Variants in ZNF713 observed in about 807,000 individuals in gnomAD.
ZNF713 encodes the protein zinc finger protein 713.
ZNF713 carries 21 observed loss-of-function variants against 28.7 expected under a neutral mutation model. The ratio of observed to expected loss-of-function variants is 0.73; its 90% CI spans 0.52 to 1.05. The LOEUF is 1.05. Among genes scored for constraint, ZNF713 ranks in the 50% least tolerant of loss-of-function variants. The pLI is 0.00. For synonymous variants in ZNF713, 167 were observed against 178.0 expected, an observed-to-expected ratio of 0.94 and a Z score of 0.49; for missense variants, 458 against 532.4, an observed-to-expected ratio of 0.86 and a Z score of 1.37.
chr7:55,928,725 A>G (rs1289894681), intron 6 of ZNF713, among the ~76,000 whole-genome samples: 5 of 152,264 alleles, frequency 3.3e-5, no homozygotes, highest in African/African-American at 1.2e-4. Context: ...GAGATATGCA[A>G]TACCTTCATA....
At chr7:55,934,505 G>A (rs1786304532) in intron 6 of ZNF713, among the ~76,000 whole-genome samples, 1 of 152,114 alleles carries the variant, frequency 6.6e-6, no homozygotes, top group South Asian at 2.1e-4. Context: ...ATTTCACACT[G>A]TTAGGTGCAT....
At chr7:55,934,941 T>G (rs1443478748) in intron 6 of ZNF713, among the ~76,000 whole-genome samples, 1 of 147,144 alleles carries the variant, frequency 6.8e-6, no homozygotes, top group Non-Finnish European at 1.5e-5. Context: ...TAGACTGGAG[T>G]GCAGTGGCAC....
chr7:55,894,700 T>A (rs1785443141), intron 1 of ZNF713, among the ~76,000 whole-genome samples: 1 of 152,218 alleles, frequency 6.6e-6, no homozygotes, highest in Admixed American at 6.6e-5. Context: ...CAGTGTTTGC[T>A]GTTGTCTATA....
intron 4 of ZNF713, chr7:55,918,147 A>C (rs369413197): frequency 4.4e-6 from 2 of 456,440 alleles, no homozygotes; most frequent in African/African-American, 4.0e-5. Flanking sequence ...TAAGACTTCT[A>C]CCTCATTCTG....
At chr7:55,891,247 T>C (rs1278435653) in intron 1 of ZNF713, among the ~76,000 whole-genome samples, 2 of 152,160 alleles carry the variant, frequency 1.3e-5, no homozygotes, top group Non-Finnish European at 2.9e-5. Context: ...TCTAAATACC[T>C]TTCCAAAGTC....
At chr7:55,888,184 A>G (rs1227139743) in intron 1 of ZNF713, among the ~76,000 whole-genome samples, 1 of 152,130 alleles carries the variant, frequency 6.6e-6, no homozygotes, top group Non-Finnish European at 1.5e-5. Context: ...TAATACGTTT[A>G]AAGAATTTTT....
At chr7:55,927,989 C>T (rs746029809) in intron 6 of ZNF713, among the ~76,000 whole-genome samples, 15 of 145,646 alleles carry the variant, frequency 1.0e-4, no homozygotes, top group Middle Eastern at 3.5e-3. Flanking sequence ...ATTAGGGTGA[C>T]TGTATATGTC....
chr7:55,899,645 C>T (rs994123222), intron 1 of ZNF713, among the ~76,000 whole-genome samples: 2 of 151,924 alleles, frequency 1.3e-5, no homozygotes, highest in African/African-American at 4.8e-5. Context: ...GCACTCCAGC[C>T]TGGGCAACAG....
At chr7:55,887,854 CG>C (rs1206775903) in intron 1 of ZNF713, among the ~76,000 whole-genome samples, 174 bp downstream of exon 1, 309 of 5,892 alleles carry the variant, frequency 0.052, 88 homozygotes, top group African/African-American at 0.2. Context: ...GCGGCGGCGG[CG>C]GGCGGCGGGC....
At chr7:55,906,525 G>A (rs1785682623) in intron 2 of ZNF713, 146 bp downstream of exon 2, 1 of 152,188 alleles carries the variant, frequency 6.6e-6, no homozygotes, top group South Asian at 2.1e-4. Context: ...GATATCTGCA[G>A]AGAACTGCCT....
chr7:55,919,497 T>TTGTTTTTTTTTTG (rs1361905073), intron 4 of ZNF713, among the ~76,000 whole-genome samples: 1 of 44,964 alleles, frequency 2.2e-5, no homozygotes, highest in Admixed American at 2.5e-4. Context: ...CCAGTTTTTT[T>TTGTTTTTTTTTTG]TTTTTTTTTT....
At chr7:55,923,396 G>A (rs778421407) in intron 5 of ZNF713, 108 bp downstream of exon 5, 1 of 1,429,590 alleles carries the variant, frequency 7.0e-7, no homozygotes, top group Non-Finnish European at 9.5e-7. Context: ...TGGGATAGAA[G>A]AATGCTAATC....
At chr7:55,901,949 T>C (rs1785585699) in intron 1 of ZNF713, among the ~76,000 whole-genome samples, 1 of 152,220 alleles carries the variant, frequency 6.6e-6, no homozygotes, top group Non-Finnish European at 1.5e-5. Context: ...CCCAACACTT[T>C]GGGAGGCCAA....
At chr7:55,919,843 C>T (rs1380737951) in intron 4 of ZNF713, among the ~76,000 whole-genome samples, 1 of 151,926 alleles carries the variant, frequency 6.6e-6, no homozygotes, top group Non-Finnish European at 1.5e-5. Flanking sequence ...TGTGTGTTCT[C>T]TCCTACTCTC....
At chr7:55,935,395 G>T (rs1046166549) in intron 6 of ZNF713, among the ~76,000 whole-genome samples, 1 of 152,000 alleles carries the variant, frequency 6.6e-6, no homozygotes, top group African/African-American at 2.4e-5. Context: ...CATTTAGAAA[G>T]AATATTGTTA....
chr7:55,939,526 G>A lies in ZNF713; in HGVS notation c.852G>A (p.Lys284=), dbSNP rs201157222. 22 of 1,613,816 alleles carry A rather than the reference G, an allele frequency of 1.4e-5. No homozygotes were observed. Among genetic ancestry groups the A allele is most frequent in the Non-Finnish European group, 1.6e-5 (19 of 1,179,986 alleles). The change falls in exon 7 of 7, where the codon AAG becomes AAA. Residue 284 remains lysine, a synonymous_variant. Coordinates refer to ENST00000429591, the MANE Select transcript of ZNF713 (RefSeq NM_182633.3). ...SQPQMLLTGE[K]PYKCDECGKR... is the part of the protein sequence containing the mutation. ...CTCAGATGTTGCTTACAGGAGAGAA[G>A]CCCTATAAGTGTGATGAATGTGGAA...
intron 6 of ZNF713, among the ~76,000 whole-genome samples, chr7:55,927,391 T>C (rs1398801750): frequency 6.6e-6 from 1 of 150,864 alleles, no homozygotes; most frequent in Non-Finnish European, 1.5e-5. Flanking sequence ...GATGTGGAGG[T>C]ATGAGCCTGT....
intron 6 of ZNF713, among the ~76,000 whole-genome samples, chr7:55,936,132 G>T (rs1450535834): frequency 1.3e-5 from 2 of 151,966 alleles, no homozygotes; most frequent in South Asian, 4.2e-4. Flanking sequence ...AGGCATGATA[G>T]TGTGCACCTG....
intron 4 of ZNF713, among the ~76,000 whole-genome samples, chr7:55,922,062 A>G (rs1480727087): frequency 1.3e-5 from 2 of 152,028 alleles, no homozygotes; most frequent in East Asian, 3.9e-4. Context: ...AGTAGCTGGG[A>G]TTACAGGCAC....
Sources: allele counts gnomAD v4.1 joint callset (sites outside exome capture counted in the v4.1 genomes callset), GRCh38; gene constraint gnomAD v4.1.1; transcripts MANE v1.5; gene names NCBI Gene and HGNC (gene_info 2026-07-23, HGNC 2026-07-21).